Variants in CD300LG observed in about 807,000 individuals in gnomAD.
CD300LG encodes CD300 molecule like family member g.
A neutral mutation model predicts 31.5 loss-of-function variants in CD300LG; 29 were observed. That is an observed-to-expected ratio of 0.92 (90% CI 0.68 to 1.25). The LOEUF (loss-of-function observed/expected upper bound fraction) is 1.25. Among genes scored for constraint, CD300LG ranks in the 50% most tolerant of loss-of-function variants. The pLI is 0.00. For missense variants in CD300LG, 396 were observed against 417.6 expected (o/e 0.95, Z 0.45); for synonymous variants, 175 against 177.2 (o/e 0.99, Z 0.10).
intron 6 of CD300LG, chr17:43,861,035 A>C: frequency 3.3e-6 from 3 of 914,192 alleles, no homozygotes; most frequent in African/African-American, 1.8e-5. Flanking sequence ...TGCCTTGCCC[A>C]CCCCTCCCAC....
Position 43,847,251 on chromosome 17 carries a change from T to G in CD300LG, c.35T>G (p.Leu12Arg), listed in dbSNP as rs1281291849. ...CTGGTCCTGCTATGGGGTTGCCTGC[T>G]GCTCCCAGGTGAGATGGGGAGAGGG... ...RLLVLLWGCL[L>R]LPGYEALEGP... is the part of the protein sequence containing the mutation. Residue 12 changes from leucine (L) to arginine (R), a missense_variant, in exon 1 of 7, where the codon CTG becomes CGG. Transcript: ENST00000317310. 4.3e-6 allele frequency: 7 copies of G among 1,613,798 alleles called. No homozygotes were observed. Among genetic ancestry groups the G allele is most frequent in the Non-Finnish European group, 5.9e-6 (7 of 1,179,924 alleles).
intron 6 of CD300LG, among the ~76,000 whole-genome samples, chr17:43,860,529 C>T (rs924091900): frequency 2.0e-5 from 3 of 152,178 alleles, no homozygotes; most frequent in Non-Finnish European, 4.4e-5. Flanking sequence ...CTGAGATGGA[C>T]GGGCCTGGCG....
chr17:43,861,581 C>T (rs899050138), intron 6 of CD300LG, among the ~76,000 whole-genome samples: 2 of 152,164 alleles, frequency 1.3e-5, no homozygotes, highest in Non-Finnish European at 2.9e-5. Context: ...GCCTTGAGGG[C>T]ACCCCGGGGG....
Sources: gnomAD v4.1 joint callset for allele counts (sites outside exome capture counted in the v4.1 genomes callset) on GRCh38, gnomAD v4.1.1 for gene constraint, MANE v1.5 for transcripts, NCBI Gene and HGNC (gene_info 2026-07-23, HGNC 2026-07-21) for gene names.